The following ERVK3-1 variants were observed in gnomAD, a reference collection of about 807,000 sequenced individuals.
The protein encoded by ERVK3-1 is endogenous retrovirus group K3 member 1.
In ERVK3-1 at chr19:58,312,237, G is replaced by A. The variant is rs2051560776; in HGVS notation, c.69G>A (p.Trp23Ter). The A allele has an allele frequency of 5.0e-6, 2 of 400,022 alleles. No individual in the cohort carries two copies. Among genetic ancestry groups the A allele is most frequent in the Non-Finnish European group, 8.8e-6 (2 of 226,094 alleles). 24.8% of individuals were successfully genotyped at this position (400,022 alleles called of 1,614,324 possible). A position where few individuals can be genotyped will look rare whatever the true frequency, so the allele number is the denominator to read the frequency against. Residue 23 changes from tryptophan (W) to a stop codon, truncating the protein, a stop_gained, in exon 3 of 4, where the codon TGG becomes TGA. Transcript: ENST00000413518. LOFTEE classifies it high-confidence loss of function. This position sits in a 1 kb window ranked among gnomAD's most constrained non-coding sequence, Gnocchi z 4.7. ...GAACGGGAGACCGGAGGGATCCATG[G>A]TATTCAACCGTGGGCCTGTTACCTC... is the stretch of plus-strand genomic sequence containing the variant.
intron 2 of ERVK3-1, chr19:58,311,691 A>G (rs1020030430): frequency 6.6e-6 from 1 of 152,616 alleles, no homozygotes; most frequent in East Asian, 1.9e-4. Context: ...TACATGCCAC[A>G]TGCCAAACTG....
Position 58,310,866 on chromosome 19 carries a change from G to A in ERVK3-1, c.-3-1300G>A, listed in dbSNP as rs1418047457. ...TTTCCCGGTCTGCTAAGTAGCGGGT[G>A]TTGTTCCTTGACACTTTTCGCTACC... On this transcript the variant is annotated intron_variant, in intron 2 of 3. Coordinates refer to ENST00000413518, the Ensembl canonical transcript of ERVK3-1. The surrounding 1 kb of genome is among the most constrained non-coding windows in gnomAD (Gnocchi z 4.7). 2.5e-6 allele frequency: 1 copy of A among 404,698 alleles called. No homozygotes were observed. The highest frequency in any genetic ancestry group is 5.1e-6 in the Non-Finnish European group (1 of 197,760). 25.1% of individuals were successfully genotyped at this position (404,698 alleles called of 1,614,324 possible).
intron 3 of ERVK3-1, among the ~76,000 whole-genome samples, chr19:58,314,349 G>A (rs58334499): frequency 0.014 from 2,092 of 151,724 alleles, 47 homozygotes; most frequent in African/African-American, 0.047. Context: ...AACCCTGGCC[G>A]GGTGCGGTGG....
intron 1 of ERVK3-1, among the ~76,000 whole-genome samples, chr19:58,305,664 C>T (rs997689234): frequency 1.3e-5 from 2 of 152,158 alleles, no homozygotes; most frequent in African/African-American, 4.8e-5. Context: ...GGGAGGGGAG[C>T]ATTCTGTGTT....
chr19:58,309,692 C>T (rs1437410318), intron 2 of ERVK3-1: 1 of 152,230 alleles, frequency 6.6e-6, no homozygotes, highest in Admixed American at 6.5e-5. Context: ...GGACTTTTAG[C>T]TCAATTCATA....
At chr19:58,307,454 T>A (rs2147968382) in intron 2 of ERVK3-1, among the ~76,000 whole-genome samples, 1 of 152,254 alleles carries the variant, frequency 6.6e-6, no homozygotes, top group South Asian at 2.1e-4. Flanking sequence ...CTGTGTTAGC[T>A]CAAGTAATAG....
chr19:58,315,112 A>G lies in ERVK3-1; in HGVS notation c.*329A>G, dbSNP rs898116524. 8 of 243,846 alleles carry G rather than the reference A, an allele frequency of 3.3e-5. No individual in the cohort carries two copies. In the South Asian group the frequency reaches 1.1e-3, roughly 32 times the overall value. The allele number at this position is 243,846 out of a possible 1,614,324, so 15.1% of individuals were successfully genotyped here. On this transcript the variant is annotated 3_prime_UTR_variant, in exon 4 of 4. Transcript: ENST00000413518. Reference sequence around the variant, plus strand: ...GACCGACAGTTATCCCTTCCTCCCTATTCACTCTACCTAATAAATATGAAG... The same window carrying G: ...GACCGACAGTTATCCCTTCCTCCCTGTTCACTCTACCTAATAAATATGAAG...
exon 4 of ERVK3-1, chr19:58,315,090 C>T (rs939039172): frequency 3.2e-5 from 9 of 281,464 alleles, no homozygotes; most frequent in African/African-American, 1.7e-4. Context: ...AATAGCTGAC[C>T]GACAGTTATC....
chr19:58,314,930 G>A (rs1418435064), exon 4 of ERVK3-1: 1 of 393,254 alleles, frequency 2.5e-6, no homozygotes, highest in African/African-American at 2.1e-5. Flanking sequence ...CATGAAAGCA[G>A]GATGTTGGCG....
downstream of ERVK3-1, among the ~76,000 whole-genome samples, chr19:58,316,325 T>C (rs73941822): frequency 0.014 from 2,121 of 152,164 alleles, 49 homozygotes; most frequent in African/African-American, 0.048. Flanking sequence ...ACCCCTCTCT[T>C]TAAACCCTCC....
At chr19:58,311,981 G>T (rs2051559381) in intron 2 of ERVK3-1, 185 bp from the exon 3 acceptor site, 11 of 390,776 alleles carry the variant, frequency 2.8e-5, no homozygotes, top group Non-Finnish European at 5.0e-5. Context: ...ATTTAGCCTT[G>T]TTTACTTTAA....
chr19:58,310,830 GC>G lies in ERVK3-1; in HGVS notation c.-3-1330del. 9 of 376,924 alleles carry G rather than the reference GC, an allele frequency of 2.4e-5. No homozygotes were observed. Among genetic ancestry groups the G allele is most frequent in the Non-Finnish European group, 3.8e-5 (7 of 182,548 alleles). The allele number at this position is 376,924 out of a possible 1,614,324, so 23.3% of individuals were successfully genotyped here. ...AACCTCCCCCAGGGAAAGGGAGACC[GC>G]CCCCCACCCTTTCCCGGTCTGCTAA... On this transcript the variant is annotated intron_variant, in intron 2 of 3. Transcript: ENST00000413518. The surrounding 1 kb of genome is among the most constrained non-coding windows in gnomAD (Gnocchi z 4.7).
rs572252669 is a variant in ERVK3-1 at position 58,312,495 on chromosome 19, T to C, written c.294+33T>C. 1 of 399,866 alleles carries C rather than the reference T, an allele frequency of 2.5e-6. No homozygotes were observed. Among genetic ancestry groups the C allele is most frequent in the East Asian group, 3.6e-5 (1 of 28,062 alleles). The allele number at this position is 399,866 out of a possible 1,614,324, so 24.8% of individuals were successfully genotyped here. A position where few individuals can be genotyped will look rare whatever the true frequency, so the allele number is the denominator to read the frequency against. On this transcript the variant is annotated intron_variant, in intron 3 of 3. Coordinates refer to ENST00000413518, the Ensembl canonical transcript of ERVK3-1. This position sits in a 1 kb window ranked among gnomAD's most constrained non-coding sequence, Gnocchi z 4.7. Reference sequence around the variant, plus strand: ...TCCCCTGTGTAGAGGCAAAAACATATTGGGCATATGTTCCTAACCCACTGG... The same window carrying C: ...TCCCCTGTGTAGAGGCAAAAACATACTGGGCATATGTTCCTAACCCACTGG...
At chr19:58,308,157 CCTT>C (rs1456719033) in intron 2 of ERVK3-1, among the ~76,000 whole-genome samples, 4 of 152,124 alleles carry the variant, frequency 2.6e-5, no homozygotes, top group African/African-American at 2.4e-5. Flanking sequence ...CAAATTACAC[CCTT>C]CTTCACGAAA....
In ERVK3-1 at chr19:58,310,336, CAAAG is replaced by C. The variant is rs1969235255; in HGVS notation, c.-3-1828_-3-1825del. 6.4e-6 allele frequency: 1 copy of C among 156,544 alleles called. No homozygotes were observed. The highest frequency in any genetic ancestry group is 1.4e-5 in the Non-Finnish European group (1 of 70,612). 9.7% of individuals were successfully genotyped at this position (156,544 alleles called of 1,614,324 possible). ...AGAGTGTAGAAATAAAGACACAAGA[CAAAG>C]AGATAAAAGGCAGCTGGGCCTGGGG... On this transcript the variant is annotated intron_variant, in intron 2 of 3. Coordinates refer to ENST00000413518, the Ensembl canonical transcript of ERVK3-1. This position sits in a 1 kb window ranked among gnomAD's most constrained non-coding sequence, Gnocchi z 4.7.
chr19:58,309,796 A>T (rs2051545405), intron 2 of ERVK3-1: 1 of 152,234 alleles, frequency 6.6e-6, no homozygotes, highest in Non-Finnish European at 1.5e-5. Context: ...ACAACTTATA[A>T]CAATAGGCAG....
downstream of ERVK3-1, among the ~76,000 whole-genome samples, chr19:58,316,522 T>C (rs1282269102): frequency 6.6e-6 from 1 of 151,936 alleles, no homozygotes; most frequent in East Asian, 1.9e-4. Context: ...ATACAAAAAA[T>C]TAGCTGGGCG....
intron 2 of ERVK3-1, among the ~76,000 whole-genome samples, chr19:58,308,481 C>A (rs1276360411): frequency 1.3e-5 from 2 of 152,194 alleles, no homozygotes; most frequent in Non-Finnish European, 2.9e-5. Flanking sequence ...ACGTGTTAAT[C>A]TCTGGGGCTG....
At chr19:58,316,663 C>G (rs999121674), downstream of ERVK3-1, among the ~76,000 whole-genome samples, 1 of 152,180 alleles carries the variant, frequency 6.6e-6, no homozygotes, top group African/African-American at 2.4e-5. Flanking sequence ...GAGCGAAACT[C>G]TGTCTCAAAA....
Sources: gnomAD v4.1 joint callset for allele counts (sites outside exome capture counted in the v4.1 genomes callset) on GRCh38, gnomAD v4.1.1 for gene constraint, Gnocchi (gnomAD v3.1) non-coding constraint, MANE v1.5 for transcripts, NCBI Gene and HGNC (gene_info 2026-07-23, HGNC 2026-07-21) for gene names.